DAPK1: variants seen among roughly 807,000 people sequenced by gnomAD.
The protein encoded by DAPK1 is death-associated protein kinase 1.
DAPK1 carries 56 observed loss-of-function variants against 144.9 expected under a neutral mutation model. That is an observed-to-expected ratio of 0.39 (90% confidence interval 0.31 to 0.48). The LOEUF (loss-of-function observed/expected upper bound fraction) is 0.48. Among genes scored for constraint, DAPK1 ranks in the 20% least tolerant of loss-of-function variants. DAPK1 has a pLI of 0.95. For synonymous variants in DAPK1, 690 were observed against 749.0 expected (o/e 0.92, Z 1.29); for missense variants, 1,454 against 1,875.4 (o/e 0.78, Z 4.15).
rs115128172 is a variant in DAPK1 at position 87,682,647 on chromosome 9, A to T, written c.2224+1021A>T. On this transcript the variant is annotated intron_variant, in intron 20 of 25. Coordinates refer to ENST00000408954, the MANE Select transcript of DAPK1 (RefSeq NM_004938.4). ...ATTGAAATGAGGAGAAGAAAGAATA[A>T]CCAAAACAGAGTTATAATTCATATT... 6.6e-3 allele frequency among the ~76,000 whole-genome samples: 1,006 copies of T among 152,338 alleles called. 13 individuals carry two copies. The highest frequency in any genetic ancestry group is 0.022 in the African/African-American group (898 of 41,568).
Position 87,576,166 on chromosome 9 carries a change from GCA to G in DAPK1, c.63-28782_63-28781del, listed in dbSNP as rs951209164. Reference sequence around the variant, plus strand: ...ATTCTTCATACACGTACACACACGTGCACACACGCATGCACACACATGCGTAC... The same window carrying G: ...ATTCTTCATACACGTACACACACGTGCACACGCATGCACACACATGCGTAC... On this transcript the variant is annotated intron_variant, in intron 2 of 25. Coordinates refer to ENST00000408954, the MANE Select transcript of DAPK1 (RefSeq NM_004938.4). Among the ~76,000 whole-genome samples, 101 of 152,294 alleles carry G rather than the reference GCA, an allele frequency of 6.6e-4. 1 individual carries two copies. The highest frequency in any genetic ancestry group is 1.8e-3 in the African/African-American group (74 of 41,548).
At chr9:87,697,327 C>G in intron 22 of DAPK1, 123 bp downstream of exon 22, 1 of 643,518 alleles carries the variant, frequency 1.6e-6, no homozygotes, top group Non-Finnish European at 2.8e-6. Flanking sequence ...AGGCCATGAG[C>G]AGATCCCACC....
intron 2 of DAPK1, among the ~76,000 whole-genome samples, chr9:87,500,182 T>G (rs1824339866): frequency 6.6e-6 from 1 of 152,216 alleles, no homozygotes; most frequent in African/African-American, 2.4e-5. Flanking sequence ...TTAACTAAAT[T>G]TTTTTAAAAA....
intron 17 of DAPK1, among the ~76,000 whole-genome samples, chr9:87,653,790 C>T (rs1158949588): frequency 5.3e-5 from 8 of 151,954 alleles, no homozygotes; most frequent in Non-Finnish European, 1.2e-4. Flanking sequence ...GCCTCCTGGG[C>T]TCAAGCGATT....
At chr9:87,571,883 C>T (rs1587729862) in intron 2 of DAPK1, among the ~76,000 whole-genome samples, 1 of 152,308 alleles carries the variant, frequency 6.6e-6, no homozygotes, top group East Asian at 1.9e-4. Context: ...AAGTGGTTGG[C>T]CTTGCTGTTG....
In DAPK1 at chr9:87,649,945, G is replaced by A; in HGVS notation, c.1453G>A (p.Ala485Thr). 6.2e-7 allele frequency: 1 copy of A among 1,614,178 alleles called. No homozygotes were observed. The highest frequency in any genetic ancestry group is 8.5e-7 in the Non-Finnish European group (1 of 1,180,042). The stretch of plus-strand genomic sequence containing the variant: ...GGAAGAAGAAACCCCCCTGCACTGT[G>A]CTGCTTGGCACGGCTATTACTCTGT... Reference protein sequence around the residue: ...DKEEETPLHCAAWHGYYSVAK... With the variant: ...DKEEETPLHCTAWHGYYSVAK... Residue 485 changes from alanine (A) to threonine (T), a missense_variant, in exon 16 of 26, where the codon GCT becomes ACT. Physicochemically the swap from Ala to Thr is moderately conservative, Grantham distance 58. This residue lies in a region of DAPK1 where 429 missense variants were observed against 637.5 expected (regional missense o/e 0.67). Coordinates refer to ENST00000408954, the MANE Select transcript of DAPK1 (RefSeq NM_004938.4).
chr9:87,635,395 C>T (rs367817854), intron 3 of DAPK1, among the ~76,000 whole-genome samples: 1 of 151,970 alleles, frequency 6.6e-6, no homozygotes, highest in Admixed American at 6.6e-5. Flanking sequence ...AAGCAGAATG[C>T]GAGTGAGGTG....
chr9:87,705,634 TA>T (rs781707088), intron 25 of DAPK1, among the ~76,000 whole-genome samples: 18 of 152,346 alleles, frequency 1.2e-4, no homozygotes, highest in South Asian at 6.2e-4. Flanking sequence ...CTTCCCTAAA[TA>T]ATTTAGCCTA....
At chr9:87,614,080 G>C (rs2119005387) in intron 3 of DAPK1, among the ~76,000 whole-genome samples, 2 of 152,252 alleles carry the variant, frequency 1.3e-5, no homozygotes, top group South Asian at 2.1e-4. Flanking sequence ...TTCCATCCAG[G>C]CATTCTCTTG....
intron 23 of DAPK1, among the ~76,000 whole-genome samples, chr9:87,699,247 C>G (rs1474470826): frequency 1.3e-5 from 2 of 152,280 alleles, no homozygotes; most frequent in East Asian, 3.9e-4. Flanking sequence ...AAAGCAACCC[C>G]CTTCTTTCTA....
chr9:87,511,796 C>T (rs1016372704), intron 2 of DAPK1, among the ~76,000 whole-genome samples: 32 of 151,686 alleles, frequency 2.1e-4, no homozygotes, highest in African/African-American at 6.5e-4. Context: ...CTGCAACCTC[C>T]GCCTCCTGGT....
intron 2 of DAPK1, among the ~76,000 whole-genome samples, chr9:87,537,522 C>T (rs1444035210): frequency 6.6e-6 from 1 of 151,818 alleles, no homozygotes; most frequent in Non-Finnish European, 1.5e-5. Flanking sequence ...ATGTGACATA[C>T]ATGGTGTATG....
At chr9:87,569,048 G>GTT (rs35121801) in intron 2 of DAPK1, among the ~76,000 whole-genome samples, 1 of 151,950 alleles carries the variant, frequency 6.6e-6, no homozygotes. Flanking sequence ...GGTCACGTGT[G>GTT]TTTTTTTAAT....
chr9:87,566,353 A>C (rs1175530670), intron 2 of DAPK1, among the ~76,000 whole-genome samples: 1 of 152,102 alleles, frequency 6.6e-6, no homozygotes, highest in Non-Finnish European at 1.5e-5. Flanking sequence ...TTGGAACTGC[A>C]TCTCAGCTAT....
intron 3 of DAPK1, among the ~76,000 whole-genome samples, chr9:87,630,805 C>T (rs1829658097): frequency 6.6e-6 from 1 of 152,186 alleles, no homozygotes; most frequent in Non-Finnish European, 1.5e-5. Context: ...TGCGTGTCAT[C>T]TCTGCTTCAG....
chr9:87,688,538 T>C (rs1034236845), intron 21 of DAPK1, among the ~76,000 whole-genome samples: 1 of 152,204 alleles, frequency 6.6e-6, no homozygotes, highest in African/African-American at 2.4e-5. Flanking sequence ...GCTGAACTTA[T>C]TTACATTCCC....
intron 2 of DAPK1, among the ~76,000 whole-genome samples, chr9:87,545,974 G>A (rs931750555): frequency 1.3e-5 from 2 of 152,104 alleles, no homozygotes; most frequent in African/African-American, 4.8e-5. Context: ...AAAAGAAGAG[G>A]GTTTGTTTTT....
intron 2 of DAPK1, among the ~76,000 whole-genome samples, chr9:87,596,193 G>A (rs1319471120): frequency 6.6e-6 from 1 of 152,172 alleles, no homozygotes. Flanking sequence ...TAGGATCAAA[G>A]AAGGGGTTCC....
chr9:87,644,112 A>G (rs1434518048), intron 11 of DAPK1, among the ~76,000 whole-genome samples: 1 of 152,202 alleles, frequency 6.6e-6, no homozygotes, highest in Non-Finnish European at 1.5e-5. Context: ...ACAAAGTGGC[A>G]AAGATTTATC....
Sources: allele counts gnomAD v4.1 joint callset (sites outside exome capture counted in the v4.1 genomes callset), GRCh38; gene constraint gnomAD v4.1.1; regional missense constraint gnomAD v4.1.1; transcripts MANE v1.5; gene names NCBI Gene and HGNC (gene_info 2026-07-23, HGNC 2026-07-21).